The following IRAK2 variants were observed in gnomAD, a reference collection of about 807,000 sequenced individuals.
The protein encoded by IRAK2 is interleukin-1 receptor-associated kinase-like 2.
In IRAK2, 57 loss-of-function variants were observed where a neutral mutation model predicts 72.0. The observed-to-expected ratio is 0.79, with a 90% CI of 0.64 to 0.99. The LOEUF is 0.99. Among genes scored for constraint, IRAK2 ranks in the 50% least tolerant of loss-of-function variants. The pLI is 0.00. For missense variants in IRAK2, 790 were observed against 794.4 expected, an observed-to-expected ratio of 0.99 and a Z score of 0.07; for synonymous variants, 293 against 312.7, an observed-to-expected ratio of 0.94 and a Z score of 0.67.
At chr3:10,226,555 A>G in intron 10 of IRAK2, 122 bp downstream of exon 10, 1 of 719,436 alleles carries the variant, frequency 1.4e-6, no homozygotes. Context: ...ACAAGGTTGC[A>G]TTTGCATCCC....
intron 1 of IRAK2, 102 bp from the exon 2 acceptor site, chr3:10,177,736 G>T: frequency 2.6e-6 from 3 of 1,140,728 alleles, no homozygotes; most frequent in East Asian, 4.8e-5. Context: ...GCGGTGGTTG[G>T]GGAGGATGTC....
intron 3 of IRAK2, 22 bp from the exon 4 acceptor site, chr3:10,209,567 A>T (rs781019038): frequency 6.7e-7 from 1 of 1,492,820 alleles, no homozygotes; most frequent in Admixed American, 2.4e-5. Context: ...CTGCATCCTG[A>T]CCCATAGTCC....
Position 10,219,661 on chromosome 3 carries a change from C to T in IRAK2, c.904-19C>T, listed in dbSNP as rs369306211. 2.5e-6 allele frequency: 4 copies of T among 1,590,476 alleles called. No homozygotes were observed. The African/African-American group carries it at 5.4e-5, about 21-fold the overall frequency. On this transcript the variant is annotated intron_variant, in intron 7 of 12. Coordinates refer to ENST00000256458, the MANE Select transcript of IRAK2 (RefSeq NM_001570.4). Reference sequence around the variant, plus strand: ...AGGTACATTGTGACTATTTGTCCTCCTGCTTTTCTTTCTCTTAGGGTGGCT... The same window carrying T: ...AGGTACATTGTGACTATTTGTCCTCTTGCTTTTCTTTCTCTTAGGGTGGCT...
chr3:10,213,158 G>T (rs1181787766), intron 4 of IRAK2, 49 bp from the exon 5 acceptor site: 1 of 1,531,042 alleles, frequency 6.5e-7, no homozygotes, highest in Non-Finnish European at 9.0e-7. Flanking sequence ...AGGTAGCAGA[G>T]AAAACGAGAT....
chr3:10,229,627 T>G (rs1697829603), intron 10 of IRAK2, among the ~76,000 whole-genome samples: 1 of 152,234 alleles, frequency 6.6e-6, no homozygotes, highest in Non-Finnish European at 1.5e-5. Flanking sequence ...TCATGTAGCA[T>G]GGTGCTTAGA....
At chr3:10,167,663 C>A (rs1696718308) in intron 1 of IRAK2, among the ~76,000 whole-genome samples, 1 of 152,310 alleles carries the variant, frequency 6.6e-6, no homozygotes, top group Non-Finnish European at 1.5e-5. Flanking sequence ...AATCCACCTA[C>A]CTCGGCTTCC....
intron 3 of IRAK2, among the ~76,000 whole-genome samples, chr3:10,208,932 A>T (rs996879636): frequency 6.6e-6 from 1 of 152,048 alleles, no homozygotes; most frequent in African/African-American, 2.4e-5. Flanking sequence ...TTGCTAACTC[A>T]TGTACCTAGA....
chr3:10,220,886 A>C (rs1485959639), intron 8 of IRAK2, among the ~76,000 whole-genome samples: 1 of 152,084 alleles, frequency 6.6e-6, no homozygotes, highest in Non-Finnish European at 1.5e-5. Context: ...TGCCTATACA[A>C]ATCCTTAGTC....
At chr3:10,185,575 A>AC in intron 2 of IRAK2, among the ~76,000 whole-genome samples, 1 of 144,954 alleles carries the variant, frequency 6.9e-6, no homozygotes, top group African/African-American at 2.6e-5. Flanking sequence ...AAAAAAAAAA[A>AC]AAAAGAACCA....
intron 7 of IRAK2, among the ~76,000 whole-genome samples, chr3:10,219,350 G>C (rs919636073): frequency 6.6e-6 from 1 of 150,740 alleles, no homozygotes; most frequent in South Asian, 2.1e-4. Context: ...ATGGAGTCTC[G>C]CTCTGTCACC....
intron 10 of IRAK2, among the ~76,000 whole-genome samples, chr3:10,226,732 AC>A (rs1200187940): frequency 6.6e-6 from 1 of 151,948 alleles, no homozygotes; most frequent in Non-Finnish European, 1.5e-5. Flanking sequence ...AGCCTGGCCA[AC>A]ATGGTGAAAC....
chr3:10,230,279 G>C (rs188777703), intron 10 of IRAK2, among the ~76,000 whole-genome samples: 2 of 151,578 alleles, frequency 1.3e-5, no homozygotes, highest in East Asian at 3.9e-4. Flanking sequence ...GATAATAGTA[G>C]TACCCCCCCC....
chr3:10,230,285 C>G (rs192512509), intron 10 of IRAK2, among the ~76,000 whole-genome samples: 1 of 151,456 alleles, frequency 6.6e-6, no homozygotes, highest in Non-Finnish European at 1.5e-5. Context: ...AGTAGTACCC[C>G]CCCCCACCGA....
At chr3:10,197,222 A>C (rs1161750855) in intron 2 of IRAK2, among the ~76,000 whole-genome samples, 2 of 151,714 alleles carry the variant, frequency 1.3e-5, no homozygotes, top group African/African-American at 4.8e-5. Context: ...TACTAAAAAT[A>C]CAGAAAAAAA....
At chr3:10,199,690 C>G (rs1389885611) in intron 2 of IRAK2, among the ~76,000 whole-genome samples, 1 of 152,112 alleles carries the variant, frequency 6.6e-6, no homozygotes, top group Non-Finnish European at 1.5e-5. Context: ...CTCTACTCTC[C>G]TTTCCCACAT....
At position 10,242,099 on chromosome 3, in the gene IRAK2, T is replaced by A. The variant is rs1285084160; in HGVS notation, c.1766-17T>A. 2 of 1,458,692 alleles carry A rather than the reference T, an allele frequency of 1.4e-6. No individual in the cohort carries two copies. Among genetic ancestry groups the A allele is most frequent in the Non-Finnish European group, 1.9e-6 (2 of 1,042,802 alleles). 90.4% of individuals were successfully genotyped at this position (1,458,692 alleles called of 1,614,324 possible). On this transcript the variant is annotated splice_polypyrimidine_tract_variant and intron_variant, in intron 12 of 12. Transcript: ENST00000256458. ...TTTCATTCAAGTCGCTCTTGTTTGC[T>A]TTCTGTTGAACATCAGTTACAGAAA...
chr3:10,230,935 T>C (rs1280324576), intron 10 of IRAK2, among the ~76,000 whole-genome samples: 1 of 152,004 alleles, frequency 6.6e-6, no homozygotes, highest in East Asian at 1.9e-4. Flanking sequence ...GTATTTTTAA[T>C]AGAGACAGGG....
intron 1 of IRAK2, among the ~76,000 whole-genome samples, chr3:10,168,241 C>T (rs191130096): frequency 4.2e-4 from 63 of 149,304 alleles, no homozygotes; most frequent in African/African-American, 1.4e-3. Flanking sequence ...GACAGAGTCT[C>T]GCTCTGTCGC....
At chr3:10,190,847 G>C (rs1422056227) in intron 2 of IRAK2, among the ~76,000 whole-genome samples, 1 of 152,184 alleles carries the variant, frequency 6.6e-6, no homozygotes, top group Admixed American at 6.5e-5. Flanking sequence ...AGTCCAGTAA[G>C]GGTCATGCAG....
Sources: gnomAD v4.1 joint callset for allele counts (sites outside exome capture counted in the v4.1 genomes callset) on GRCh38, gnomAD v4.1.1 for gene constraint, MANE v1.5 for transcripts, NCBI Gene and HGNC (gene_info 2026-07-23, HGNC 2026-07-21) for gene names.